The following CCDC178 variants were observed in gnomAD, a reference collection of about 807,000 sequenced individuals.
The protein encoded by CCDC178 is coiled-coil domain containing 178.
In CCDC178, 126 loss-of-function variants were observed where a neutral mutation model predicts 117.4. The observed-to-expected ratio is 1.07, with a 90% confidence interval of 0.93 to 1.24. The LOEUF (loss-of-function observed/expected upper bound fraction) is 1.24, where lower values mean the gene tolerates loss of function less well. Ranked by LOEUF, CCDC178 falls within the 50% of genes most tolerant of loss-of-function variation. The pLI is 0.00. For missense variants in CCDC178, 1,030 were observed against 986.9 expected (o/e 1.04, Z -0.59); for synonymous variants, 283 against 313.4 (o/e 0.90, Z 1.02).
chr18:32,945,875 A>G (rs2054335080), intron 22 of CCDC178, among the ~76,000 whole-genome samples: 2 of 152,178 alleles, frequency 1.3e-5, no homozygotes, highest in Non-Finnish European at 2.9e-5. Flanking sequence ...TCCAGGTATT[A>G]GTTTAATTGG....
intron 21 of CCDC178, among the ~76,000 whole-genome samples, chr18:32,976,427 G>A (rs1263884406): frequency 6.6e-6 from 1 of 152,070 alleles, no homozygotes; most frequent in Non-Finnish European, 1.5e-5. Context: ...TGATCCATAG[G>A]AGGTAGCACT....
chr18:33,138,320 A>T (rs2058154228), intron 20 of CCDC178, among the ~76,000 whole-genome samples: 1 of 152,164 alleles, frequency 6.6e-6, no homozygotes, highest in South Asian at 2.1e-4. Context: ...TGAGGAAAAA[A>T]GAAAAGGGCA....
chr18:33,364,372 T>C (rs2063171285), intron 6 of CCDC178, among the ~76,000 whole-genome samples: 2 of 151,632 alleles, frequency 1.3e-5, no homozygotes, highest in Admixed American at 6.6e-5. Flanking sequence ...AATAAATGAG[T>C]GATTGGGAGG....
At chr18:33,205,165 A>G (rs1303297513) in intron 20 of CCDC178, among the ~76,000 whole-genome samples, 2 of 152,132 alleles carry the variant, frequency 1.3e-5, no homozygotes, top group Non-Finnish European at 2.9e-5. Context: ...AAAAATAACA[A>G]TGACAAAAGC....
intron 22 of CCDC178, among the ~76,000 whole-genome samples, chr18:32,961,876 A>G (rs967371076): frequency 2.0e-5 from 3 of 151,964 alleles, no homozygotes; most frequent in Admixed American, 2.0e-4. Context: ...AATGTAATAT[A>G]TGCTTTTTAG....
intron 21 of CCDC178, among the ~76,000 whole-genome samples, chr18:33,031,554 AC>A (rs1232574123): frequency 1.3e-5 from 2 of 152,106 alleles, no homozygotes; most frequent in Non-Finnish European, 2.9e-5. Flanking sequence ...GTACAGAAAA[AC>A]GCACAAGTAT....
chr18:33,024,805 A>C (rs1598800838), intron 21 of CCDC178, among the ~76,000 whole-genome samples: 1 of 74,962 alleles, frequency 1.3e-5, no homozygotes. Flanking sequence ...TACCATGCTC[A>C]GCTATTTTTT....
chr18:33,298,961 T>A (rs1686848067), intron 11 of CCDC178, among the ~76,000 whole-genome samples: 2 of 151,886 alleles, frequency 1.3e-5, no homozygotes, highest in Non-Finnish European at 2.9e-5. Context: ...AAAACACTAA[T>A]GAAAGAAATT....
intron 20 of CCDC178, among the ~76,000 whole-genome samples, chr18:33,100,298 A>C (rs946686894): frequency 5.9e-5 from 9 of 152,022 alleles, no homozygotes; most frequent in Non-Finnish European, 8.8e-5. Flanking sequence ...TCTCAGAAGA[A>C]ATTCATTGAG....
rs370888438 is a variant in CCDC178, at chr18:33,267,185, G to T, written c.1272+17C>A. 6.4e-7 allele frequency: 1 copy of T among 1,570,920 alleles called. No homozygotes were observed. Among genetic ancestry groups the T allele is most frequent in the African/African-American group, 1.4e-5 (1 of 72,428 alleles). On this transcript the variant is annotated intron_variant, in intron 13 of 22. Coordinates refer to ENST00000383096, the MANE Select transcript of CCDC178 (RefSeq NM_001105528.4). ...AAAATGGCGTTCTAAGTGGGAAGTA[G>T]GAAAAAATCAACTTACTGCAGCATA... is the stretch of plus-strand genomic sequence containing the variant.
At chr18:33,411,141 T>G (rs2063845603) in intron 3 of CCDC178, among the ~76,000 whole-genome samples, 2 of 152,188 alleles carry the variant, frequency 1.3e-5, no homozygotes, top group African/African-American at 4.8e-5. Flanking sequence ...AAATGAATGT[T>G]CATGATGCTG....
At chr18:33,320,823 T>C (rs1475904266) in intron 11 of CCDC178, among the ~76,000 whole-genome samples, 1 of 152,158 alleles carries the variant, frequency 6.6e-6, no homozygotes. Context: ...GGCATCACAC[T>C]ACCTGACTTC....
At chr18:33,133,489 T>C (rs1001155451) in intron 20 of CCDC178, among the ~76,000 whole-genome samples, 4 of 151,962 alleles carry the variant, frequency 2.6e-5, no homozygotes, top group Non-Finnish European at 5.9e-5. Context: ...TGCTGTGATA[T>C]ATGCGTTAAC....
At chr18:33,098,954 CA>C (rs1016238986) in intron 20 of CCDC178, among the ~76,000 whole-genome samples, 10 of 151,792 alleles carry the variant, frequency 6.6e-5, no homozygotes, top group African/African-American at 2.4e-4. Context: ...ACAGCATAAA[CA>C]AAAAGCTTCA....
chr18:32,976,331 T>C (rs2055027190), intron 21 of CCDC178, among the ~76,000 whole-genome samples: 2 of 152,132 alleles, frequency 1.3e-5, no homozygotes, highest in South Asian at 4.1e-4. Flanking sequence ...TCATTGTGTA[T>C]GTTCACAACT....
At chr18:33,277,954 T>C (rs1269444467) in intron 12 of CCDC178, among the ~76,000 whole-genome samples, 1 of 152,070 alleles carries the variant, frequency 6.6e-6, no homozygotes, top group Non-Finnish European at 1.5e-5. Flanking sequence ...GGATCCAGAT[T>C]CTGCATACCA....
At chr18:33,248,146 A>C (rs994981504) in intron 14 of CCDC178, among the ~76,000 whole-genome samples, 2 of 151,872 alleles carry the variant, frequency 1.3e-5, no homozygotes, top group African/African-American at 4.8e-5. Context: ...AAAGAAAATT[A>C]TTATCTTCAA....
rs1431505667 is a variant in CCDC178, at chr18:32,948,480, TTA to T, written c.2524-10391_2524-10390del. Among the ~76,000 whole-genome samples the T allele has an allele frequency of 2.7e-4, 41 of 152,232 alleles. No homozygotes were observed. In the Middle Eastern group the frequency reaches 0.024, roughly 88 times the overall value. On this transcript the variant is annotated intron_variant, in intron 22 of 22. Coordinates refer to ENST00000383096, the MANE Select transcript of CCDC178 (RefSeq NM_001105528.4). ...TCTTAGTTTCAACATCCAATCACTG[TTA>T]GCACATTGATGCTATATTATGCAAA...
At chr18:33,323,382 A>G (rs962350001) in intron 11 of CCDC178, 109 bp downstream of exon 11, 11 of 632,426 alleles carry the variant, frequency 1.7e-5, no homozygotes, top group Non-Finnish European at 2.5e-5. Flanking sequence ...AATAATTTAA[A>G]ATTTTATTTT....
Sources: allele counts gnomAD v4.1 joint callset (sites outside exome capture counted in the v4.1 genomes callset), GRCh38; gene constraint gnomAD v4.1.1; transcripts MANE v1.5; gene names NCBI Gene and HGNC (gene_info 2026-07-23, HGNC 2026-07-21).